Variants in CUX1 observed in about 807,000 individuals in gnomAD.
CUX1 encodes the protein cut like homeobox 1.
CUX1 carries 31 observed loss-of-function variants against 158.8 expected under a neutral mutation model. The observed-to-expected ratio is 0.20, with a 90% CI of 0.15 to 0.26. The LOEUF (loss-of-function observed/expected upper bound fraction) is 0.26, where lower values mean the gene tolerates loss of function less well. CUX1 is among the 10% of genes least tolerant of loss of function. CUX1 has a pLI of 1.00. For synonymous variants in CUX1, 879 were observed against 862.1 expected, an observed-to-expected ratio of 1.02 and a Z score of -0.34; for missense variants, 1,589 against 2,014.6, an observed-to-expected ratio of 0.79 and a Z score of 4.04.
Position 102,277,932 on chromosome 7 carries a change from TGCCCCTCCCCCCCCAGGAGAACC to T in CUX1, c.1564-13_1573del. On this transcript the variant is annotated splice_acceptor_variant and splice_polypyrimidine_tract_variant and coding_sequence_variant and intron_variant, in exon 18 of 23. Transcript: ENST00000292538. LOFTEE classifies it high-confidence loss of function. ...GAGGCCTCTCCCCCACCCCTTTCCT[TGCCCCTCCCCCCCCAGGAGAACC>T]GCCTGGCCCAGCACACCCTCCAGGC... 2.6e-6 allele frequency: 3 copies of T among 1,150,370 alleles called. No individual in the cohort carries two copies. The highest frequency in any genetic ancestry group is 2.7e-5 in the East Asian group (1 of 36,702). The allele number at this position is 1,150,370 out of a possible 1,614,324, so 71.3% of individuals were successfully genotyped here. A position where few individuals can be genotyped will look rare whatever the true frequency, so the allele number is the denominator to read the frequency against.
chr7:102,232,220 C>T (rs1261458805), intron 21 of CUX1, among the ~76,000 whole-genome samples: 1 of 151,986 alleles, frequency 6.6e-6, no homozygotes, highest in Non-Finnish European at 1.5e-5. Flanking sequence ...GTGGTGCACA[C>T]CTGTAATCCC....
chr7:101,942,054 T>C (rs1320493963), intron 2 of CUX1, among the ~76,000 whole-genome samples: 1 of 152,220 alleles, frequency 6.6e-6, no homozygotes, highest in Non-Finnish European at 1.5e-5. Flanking sequence ...GGGGTAGAAA[T>C]GTACCCAGCT....
At chr7:102,126,798 C>G (rs1297729546) in intron 8 of CUX1, among the ~76,000 whole-genome samples, 2 of 152,162 alleles carry the variant, frequency 1.3e-5, no homozygotes, top group Non-Finnish European at 2.9e-5. Flanking sequence ...TTATTGTGCA[C>G]TTTATTATTA....
At chr7:102,216,140 C>CA (rs1376099848) in intron 20 of CUX1, among the ~76,000 whole-genome samples, 2 of 152,114 alleles carry the variant, frequency 1.3e-5, no homozygotes, top group Admixed American at 6.5e-5. Flanking sequence ...CCCATCTCTA[C>CA]AAAAAATACA....
At chr7:101,891,432 C>T (rs1800863969) in intron 1 of CUX1, among the ~76,000 whole-genome samples, 1 of 152,140 alleles carries the variant, frequency 6.6e-6, no homozygotes, top group Admixed American at 6.5e-5. Context: ...AGTTGTTTCC[C>T]AGGCTGGTCT....
At chr7:102,016,994 G>C (rs1818678749) in intron 2 of CUX1, among the ~76,000 whole-genome samples, 1 of 152,146 alleles carries the variant, frequency 6.6e-6, no homozygotes, top group Admixed American at 6.6e-5. Context: ...AGTCCCCTTT[G>C]CAGCAGTGTC....
chr7:102,252,458 A>G lies in CUX1; in HGVS notation c.*3416A>G. Reference sequence around the variant, plus strand: ...CCTCTCCCCTGGGGGAAACGGTTCCATATAAAACACTAACACTTAATTACA... The same window carrying G: ...CCTCTCCCCTGGGGGAAACGGTTCCGTATAAAACACTAACACTTAATTACA... On this transcript the variant is annotated 3_prime_UTR_variant, in exon 24 of 24. Transcript: ENST00000292535. The G allele has an allele frequency of 9.1e-6, 9 of 985,486 alleles. No individual in the cohort carries two copies. The highest frequency in any genetic ancestry group is 1.1e-5 in the Non-Finnish European group (9 of 829,944). The allele number at this position is 985,486 out of a possible 1,614,324, so 61.0% of individuals were successfully genotyped here.
At chr7:102,052,947 A>G (rs1406614521) in intron 3 of CUX1, among the ~76,000 whole-genome samples, 1 of 152,154 alleles carries the variant, frequency 6.6e-6, no homozygotes, top group East Asian at 1.9e-4. Flanking sequence ...AGCTGGGATT[A>G]CAGGCACGTG....
At chr7:101,933,562 A>T (rs1483467875) in intron 2 of CUX1, among the ~76,000 whole-genome samples, 1 of 152,210 alleles carries the variant, frequency 6.6e-6, no homozygotes, top group East Asian at 1.9e-4. Context: ...AACTGGCCGA[A>T]GAAAATGCTT....
At chr7:102,007,226 C>G (rs969587813) in intron 2 of CUX1, among the ~76,000 whole-genome samples, 1 of 152,192 alleles carries the variant, frequency 6.6e-6, no homozygotes. Flanking sequence ...ACTGCAGCCT[C>G]GGCCTCCTGT....
At chr7:102,031,831 A>G (rs1232570322) in intron 3 of CUX1, among the ~76,000 whole-genome samples, 1 of 152,012 alleles carries the variant, frequency 6.6e-6, no homozygotes, top group South Asian at 2.1e-4. Context: ...TCATATTGCA[A>G]TTATATTTAC....
rs567955763 is a variant in CUX1, at chr7:102,252,445, G to A, written c.*3403G>A. The A allele has an allele frequency of 3.0e-6, 3 of 985,376 alleles. No individual in the cohort carries two copies. Among genetic ancestry groups the A allele is most frequent in the African/African-American group, 3.5e-5 (2 of 57,312 alleles). 61.0% of individuals were successfully genotyped at this position (985,376 alleles called of 1,614,324 possible). ...AAGCTGATTTGTACCTCTCCCCTGG[G>A]GGAAACGGTTCCATATAAAACACTA... On this transcript the variant is annotated 3_prime_UTR_variant, in exon 24 of 24. Transcript: ENST00000292535.
At chr7:102,048,495 C>T (rs1023839396) in intron 3 of CUX1, among the ~76,000 whole-genome samples, 2 of 152,124 alleles carry the variant, frequency 1.3e-5, no homozygotes, top group East Asian at 1.9e-4. Flanking sequence ...CACTCTTTCA[C>T]ACACACGTAA....
intron 1 of CUX1, among the ~76,000 whole-genome samples, chr7:101,907,486 TTA>T (rs1278523601): frequency 6.6e-6 from 1 of 152,010 alleles, no homozygotes; most frequent in Non-Finnish European, 1.5e-5. Context: ...ATAGCTGGGA[TTA>T]CAGGTGTACG....
chr7:101,861,207 G>A (rs1016732528), intron 1 of CUX1, among the ~76,000 whole-genome samples: 7 of 152,152 alleles, frequency 4.6e-5, no homozygotes, highest in Admixed American at 6.5e-5. Flanking sequence ...TCTGCTGGTC[G>A]CAGGAATTGG....
At chr7:101,968,453 C>T (rs1278125484) in intron 2 of CUX1, among the ~76,000 whole-genome samples, 5 of 152,066 alleles carry the variant, frequency 3.3e-5, no homozygotes, top group East Asian at 1.9e-4. Context: ...GACGTGGTCT[C>T]GCCCTGTTGC....
At chr7:101,880,915 C>T (rs1490332454) in intron 1 of CUX1, among the ~76,000 whole-genome samples, 1 of 152,162 alleles carries the variant, frequency 6.6e-6, no homozygotes, top group Non-Finnish European at 1.5e-5. Context: ...AAATTCTCCA[C>T]TAAGAGCAAT....
At chr7:102,141,021 C>T (rs1417344114) in intron 8 of CUX1, among the ~76,000 whole-genome samples, 1 of 152,036 alleles carries the variant, frequency 6.6e-6, no homozygotes, top group African/African-American at 2.4e-5. Flanking sequence ...GGATGGAGGG[C>T]GTTCTTAAAG....
chr7:102,094,474 C>T (rs1828975245), intron 4 of CUX1, among the ~76,000 whole-genome samples: 1 of 152,220 alleles, frequency 6.6e-6, no homozygotes, highest in Admixed American at 6.5e-5. Context: ...TTCCTCCTCA[C>T]TTGATAATGT....
Sources: gnomAD v4.1 joint callset for allele counts (sites outside exome capture counted in the v4.1 genomes callset) on GRCh38, gnomAD v4.1.1 for gene constraint, MANE v1.5 for transcripts, NCBI Gene and HGNC (gene_info 2026-07-23, HGNC 2026-07-21) for gene names.